WDPCP: variants seen among roughly 807,000 people sequenced by gnomAD.
WDPCP encodes WD repeat-containing and planar cell polarity effector protein fritz homolog.
A neutral mutation model predicts 93.1 loss-of-function variants in WDPCP; 71 were observed. That is an observed-to-expected ratio of 0.76 (90% CI 0.63 to 0.93). WDPCP has a LOEUF of 0.93. WDPCP is among the 40% of genes least tolerant of loss of function. The pLI is 0.00. For synonymous variants in WDPCP, 315 were observed against 315.0 expected, an observed-to-expected ratio of 1.00 and a Z score of 0.00; for missense variants, 844 against 887.4, an observed-to-expected ratio of 0.95 and a Z score of 0.62.
intron 13 of WDPCP, among the ~76,000 whole-genome samples, chr2:63,270,501 T>C (rs1682546979): frequency 6.6e-6 from 1 of 152,122 alleles, no homozygotes; most frequent in Admixed American, 6.6e-5. Context: ...GCTTTCAAGA[T>C]GGCTAACTAG....
chr2:63,303,989 G>T (rs1055883702), intron 13 of WDPCP, among the ~76,000 whole-genome samples: 4 of 108,822 alleles, frequency 3.7e-5, no homozygotes, highest in African/African-American at 1.4e-4. Flanking sequence ...AAAAAAAACA[G>T]ATGTAGGCAG....
chr2:63,604,487 T>C (rs756226647), intron 3 of WDPCP, among the ~76,000 whole-genome samples: 1 of 152,174 alleles, frequency 6.6e-6, no homozygotes, highest in African/African-American at 2.4e-5. Context: ...CTCCATAAGG[T>C]TTCAAGTCCA....
chr2:63,832,285 C>T (rs894779951), upstream of WDPCP, among the ~76,000 whole-genome samples: 2 of 152,184 alleles, frequency 1.3e-5, no homozygotes, highest in African/African-American at 4.8e-5. Context: ...TAATAATGGC[C>T]TTCCTCATGC....
At chr2:63,722,839 G>C (rs938468732) in intron 2 of WDPCP, among the ~76,000 whole-genome samples, 3 of 152,106 alleles carry the variant, frequency 2.0e-5, no homozygotes, top group Admixed American at 6.5e-5. Flanking sequence ...TTGTGGAATA[G>C]AAAGGCGAGA....
At chr2:63,681,635 G>T (rs1008704235) in intron 2 of WDPCP, among the ~76,000 whole-genome samples, 1 of 152,182 alleles carries the variant, frequency 6.6e-6, no homozygotes, top group Non-Finnish European at 1.5e-5. Flanking sequence ...AAGGACACAG[G>T]CCTGGCTGGT....
intron 14 of WDPCP, chr2:63,228,939 T>A (rs1167432064): frequency 1.3e-5 from 2 of 152,184 alleles, no homozygotes; most frequent in Non-Finnish European, 2.9e-5. Context: ...ATCCTTTGGG[T>A]ATATACCCAG....
intron 3 of WDPCP, chr2:63,642,392 T>A (rs919566937): frequency 2.6e-5 from 4 of 152,090 alleles, no homozygotes; most frequent in Admixed American, 1.3e-4. Flanking sequence ...AATTTGTAGA[T>A]TGCTTTGGGT....
Position 63,381,906 on chromosome 2 carries a change from C to T in WDPCP, c.1624G>A (p.Ala542Thr). 1.2e-6 allele frequency: 2 copies of T among 1,613,086 alleles called. No homozygotes were observed. The highest frequency in any genetic ancestry group is 1.7e-6 in the Non-Finnish European group (2 of 1,179,462). Residue 542 changes from alanine to threonine, a missense_variant and splice_region_variant, in exon 11 of 18, where the codon GCA becomes ACA. Transcript: ENST00000272321. Reference sequence around the variant, plus strand: ...CAATGAAAAATATTTCAAGTCTGACCTTCTCTCTCTGGAGTGAGCTTCTGT... The same window carrying T: ...CAATGAAAAATATTTCAAGTCTGACTTTCTCTCTCTGGAGTGAGCTTCTGT... ...LRQKLTPERE[A>T]QLETSLGTFY...
At chr2:63,313,853 CATATATATAT>C (rs1239251914) in intron 12 of WDPCP, among the ~76,000 whole-genome samples, 2 of 38,526 alleles carry the variant, frequency 5.2e-5, no homozygotes, top group African/African-American at 1.7e-4. Flanking sequence ...ATTATTCATA[CATATATATAT>C]ATATATATAT....
At chr2:63,132,479 T>TA (rs1240283662) in intron 17 of WDPCP, among the ~76,000 whole-genome samples, 1 of 151,324 alleles carries the variant, frequency 6.6e-6, no homozygotes, top group Non-Finnish European at 1.5e-5. Flanking sequence ...AATGGATATA[T>TA]TGTCCTGCTT....
chr2:63,817,112 A>AT (rs201959701), intron 1 of WDPCP, among the ~76,000 whole-genome samples: 26,984 of 144,198 alleles, frequency 0.19, 2,672 homozygotes, highest in Middle Eastern at 0.28. Context: ...GAGCTGCTAC[A>AT]TTTTTTTTTT....
Position 63,732,805 on chromosome 2 carries a change from A to C in WDPCP, n.308+80817T>G, listed in dbSNP as rs548456617. 2.9e-4 allele frequency among the ~76,000 whole-genome samples: 44 copies of C among 152,340 alleles called. No homozygotes were observed. The South Asian group carries it at 9.1e-3, about 32-fold the overall frequency. On this transcript the variant is annotated intron_variant and non_coding_transcript_variant, in intron 2 of 4. Transcript: ENST00000467687. ...AAAGAATTGAATTACAGTTTTGAAG[A>C]AAAAGCTTATTGAGCTTATTCAGGG...
chr2:63,478,270 T>C (rs1424155891), intron 6 of WDPCP, among the ~76,000 whole-genome samples: 2 of 152,028 alleles, frequency 1.3e-5, no homozygotes, highest in African/African-American at 2.4e-5. Context: ...CTGACAGCAC[T>C]AGACAGGTCA....
chr2:63,369,443 C>T (rs1239017836), intron 12 of WDPCP: 1 of 456,566 alleles, frequency 2.2e-6, no homozygotes, highest in Non-Finnish European at 4.4e-6. Flanking sequence ...TGGTCCTCTA[C>T]CCAGGTCCTC....
intron 12 of WDPCP, among the ~76,000 whole-genome samples, chr2:63,377,435 A>C (rs190890393): frequency 6.6e-6 from 1 of 151,626 alleles, no homozygotes; most frequent in East Asian, 1.9e-4. Context: ...AATACTATAC[A>C]TATATGTATA....
At chr2:63,168,861 A>G (rs556173644) in intron 15 of WDPCP, 3 of 152,420 alleles carry the variant, frequency 2.0e-5, no homozygotes, top group African/African-American at 7.2e-5. Context: ...AAAAAATAAA[A>G]AGTAAATGGT....
At chr2:63,705,547 C>G (rs534153437) in intron 2 of WDPCP, among the ~76,000 whole-genome samples, 1 of 152,142 alleles carries the variant, frequency 6.6e-6, no homozygotes, top group African/African-American at 2.4e-5. Context: ...GTCTTCATTT[C>G]GTTATGTACC....
chr2:63,511,038 C>G (rs1702200425), intron 1 of WDPCP, among the ~76,000 whole-genome samples: 1 of 152,114 alleles, frequency 6.6e-6, no homozygotes, highest in Non-Finnish European at 1.5e-5. Flanking sequence ...AGCTGATAAG[C>G]AACTTCAGCA....
At chr2:63,406,445 T>A (rs561893456) in intron 9 of WDPCP, among the ~76,000 whole-genome samples, 14 of 152,290 alleles carry the variant, frequency 9.2e-5, no homozygotes, top group Admixed American at 4.6e-4. Context: ...TGACATTGCA[T>A]AAAATCTTCT....
Sources: allele counts gnomAD v4.1 joint callset (sites outside exome capture counted in the v4.1 genomes callset), GRCh38; gene constraint gnomAD v4.1.1; transcripts MANE v1.5; gene names NCBI Gene and HGNC (gene_info 2026-07-23, HGNC 2026-07-21).